The following CELF2 variants were observed in gnomAD, a reference collection of about 807,000 sequenced individuals.
CELF2 encodes the protein CUG triplet repeat RNA-binding protein 2.
In CELF2, 8 loss-of-function variants were observed where a neutral mutation model predicts 62.6. The observed-to-expected ratio is 0.13, with a 90% confidence interval of 0.07 to 0.23. CELF2 has a LOEUF of 0.23. CELF2 is among the 10% of genes least tolerant of loss of function. CELF2 has a pLI of 1.00. For missense variants in CELF2, 333 were observed against 671.0 expected, an observed-to-expected ratio of 0.50 and a Z score of 5.56; for synonymous variants, 258 against 250.0, an observed-to-expected ratio of 1.03 and a Z score of -0.30.
At chr10:11,273,516 G>A (rs532349729) in intron 7 of CELF2, among the ~76,000 whole-genome samples, 12 of 152,150 alleles carry the variant, frequency 7.9e-5, no homozygotes, top group South Asian at 4.1e-4. Context: ...TTCTTTCCCC[G>A]GTGCCAAAAA....
chr10:10,702,077 G>C, the CELF2 span, among the ~76,000 whole-genome samples: 3 of 152,186 alleles, frequency 2.0e-5, no homozygotes. Context: ...TTTTGGAGGG[G>C]AGCGGCAGAT....
intron 1 of CELF2, among the ~76,000 whole-genome samples, chr10:11,160,750 T>C (rs1024022778): frequency 6.6e-6 from 1 of 152,198 alleles, no homozygotes; most frequent in African/African-American, 2.4e-5. Context: ...GGCTTTTTTG[T>C]GTGTGCTTTT....
At chr10:10,766,333 C>A in the CELF2 span, among the ~76,000 whole-genome samples, 3 of 152,208 alleles carry the variant, frequency 2.0e-5, no homozygotes, top group African/African-American at 7.2e-5. Flanking sequence ...TATGTTGCTA[C>A]TGCCTGCCAT....
chr10:11,197,031 A>G (rs1456066157), intron 2 of CELF2, among the ~76,000 whole-genome samples: 3,590 of 31,360 alleles, frequency 0.11, 1,005 homozygotes, highest in African/African-American at 0.3. Flanking sequence ...AAAGAAAAGA[A>G]AGAAAGAAAG....
chr10:11,099,661 G>T (rs1003603025), intron 1 of CELF2, among the ~76,000 whole-genome samples: 1 of 152,030 alleles, frequency 6.6e-6, no homozygotes, highest in African/African-American at 2.4e-5. Flanking sequence ...CTCATAATCA[G>T]GTAAAATTAT....
the CELF2 span, among the ~76,000 whole-genome samples, chr10:10,730,422 A>G: frequency 2.0e-5 from 3 of 152,306 alleles, no homozygotes; most frequent in African/African-American, 4.8e-5. Context: ...AGTTGCAGTG[A>G]GCCAAGATCG....
At chr10:10,601,324 A>T in the CELF2 span, among the ~76,000 whole-genome samples, 2 of 152,244 alleles carry the variant, frequency 1.3e-5, no homozygotes, top group Non-Finnish European at 2.9e-5. Context: ...GAGAACAGGG[A>T]TGGGGACAGC....
intron 8 of CELF2, 55 bp from the exon 9 acceptor site, chr10:11,288,363 A>C: frequency 1.3e-6 from 2 of 1,594,800 alleles, no homozygotes; most frequent in Non-Finnish European, 1.7e-6. Flanking sequence ...TCTTGTTTGG[A>C]AACTGTAGAA....
rs192143788 is a variant in CELF2, at chr10:11,297,527, G to A, written c.976+8975G>A. Among the ~76,000 whole-genome samples, 669 of 152,268 alleles carry A rather than the reference G, an allele frequency of 4.4e-3. 3 individuals are homozygous for A. Among genetic ancestry groups the A allele is most frequent in the Non-Finnish European group, 6.6e-3 (446 of 68,030 alleles). On this transcript the variant is annotated intron_variant, in intron 9 of 12. Coordinates refer to ENST00000633077, the MANE Select transcript of CELF2 (RefSeq NM_001326342.2). The surrounding 1 kb of genome is among the most constrained non-coding windows in gnomAD (Gnocchi z 4.4). Reference sequence around the variant, plus strand: ...AGCCAAGCAGGATGGGGCTGGAGGAGGAAAAGGCAGAAAGAGCTGACTGAA... The same window carrying A: ...AGCCAAGCAGGATGGGGCTGGAGGAAGAAAAGGCAGAAAGAGCTGACTGAA...
the CELF2 span, among the ~76,000 whole-genome samples, chr10:10,770,171 G>A: frequency 6.6e-6 from 1 of 152,260 alleles, no homozygotes; most frequent in African/African-American, 2.4e-5. Flanking sequence ...GATACAAGAA[G>A]AGGTATACAG....
chr10:11,252,543 G>A (rs1262942494), intron 4 of CELF2, among the ~76,000 whole-genome samples: 1 of 152,224 alleles, frequency 6.6e-6, no homozygotes, highest in Non-Finnish European at 1.5e-5. Context: ...CGTCCATCGA[G>A]CGATTCTGAG....
intron 1 of CELF2, among the ~76,000 whole-genome samples, chr10:11,111,038 A>G (rs538442118): frequency 5.9e-5 from 9 of 152,038 alleles, no homozygotes; most frequent in South Asian, 2.1e-4. Flanking sequence ...GTTAGGATGT[A>G]CTCTCCACCC....
the CELF2 span, among the ~76,000 whole-genome samples, chr10:10,703,483 C>T: frequency 5.9e-5 from 9 of 152,306 alleles, no homozygotes; most frequent in East Asian, 1.5e-3. Context: ...TGGGGCTCTA[C>T]GAAGGATACA....
intron 2 of CELF2, among the ~76,000 whole-genome samples, chr10:10,932,169 C>T (rs990718011): frequency 7.2e-5 from 11 of 152,070 alleles, no homozygotes; most frequent in South Asian, 2.1e-4. Context: ...ATACAAGGTA[C>T]GATGATCCCT....
At chr10:10,677,203 C>A in the CELF2 span, among the ~76,000 whole-genome samples, 1 of 152,188 alleles carries the variant, frequency 6.6e-6, no homozygotes, top group Non-Finnish European at 1.5e-5. Context: ...AGGTTCACAT[C>A]ATTTACATAG....
At chr10:11,081,517 A>C (rs373801005) in intron 1 of CELF2, among the ~76,000 whole-genome samples, 3 of 152,204 alleles carry the variant, frequency 2.0e-5, no homozygotes, top group South Asian at 4.1e-4. Flanking sequence ...ATTCTACTTG[A>C]GGAGCCTGCT....
At position 10,927,842 on chromosome 10, in the gene CELF2, A is replaced by C. The variant is rs577468851; in HGVS notation, c.89+7843A>C. The stretch of plus-strand genomic sequence containing the variant: ...GGTCCTTCCCACTTCCTCTTTTGCA[A>C]TTCATTCTCTAGGTAGAAGTCCAAA... On this transcript the variant is annotated intron_variant, in intron 2 of 13. Coordinates refer to the CELF2 transcript ENST00000636488. Among the ~76,000 whole-genome samples the C allele has an allele frequency of 2.1e-4, 32 of 152,200 alleles. No individual in the cohort carries two copies. The South Asian group carries it at 6.7e-3, about 32-fold the overall frequency.
the CELF2 span, among the ~76,000 whole-genome samples, chr10:10,626,470 T>C: frequency 2.0e-5 from 3 of 152,090 alleles, no homozygotes; most frequent in Non-Finnish European, 4.4e-5. Flanking sequence ...AACAGTTTCA[T>C]GCATGTGAAA....
intron 1 of CELF2, among the ~76,000 whole-genome samples, chr10:11,069,409 A>G (rs928160407): frequency 6.6e-6 from 1 of 152,212 alleles, no homozygotes; most frequent in African/African-American, 2.4e-5. Flanking sequence ...TCCCAGATGA[A>G]TTTTCCTCAA....
Sources: gnomAD v4.1 joint callset for allele counts (sites outside exome capture counted in the v4.1 genomes callset) on GRCh38, gnomAD v4.1.1 for gene constraint, Gnocchi (gnomAD v3.1) non-coding constraint, MANE v1.5 for transcripts, NCBI Gene and HGNC (gene_info 2026-07-23, HGNC 2026-07-21) for gene names.